Variants in BCAT1 observed in about 807,000 individuals in gnomAD.
BCAT1 encodes branched chain amino acid transaminase 1.
In BCAT1, 48 loss-of-function variants were observed where a neutral mutation model predicts 52.4. The ratio of observed to expected loss-of-function variants is 0.92; its 90% CI spans 0.73 to 1.16. The LOEUF (loss-of-function observed/expected upper bound fraction) is 1.16. Ranked by LOEUF, BCAT1 falls within the 50% of genes most tolerant of loss-of-function variation. BCAT1 has a pLI of 0.00. For missense variants in BCAT1, 451 were observed against 457.1 expected, an observed-to-expected ratio of 0.99 and a Z score of 0.12; for synonymous variants, 167 against 161.3, an observed-to-expected ratio of 1.04 and a Z score of -0.27.
intron 5 of BCAT1, among the ~76,000 whole-genome samples, chr12:24,861,525 A>G (rs1352013821): frequency 6.6e-6 from 1 of 152,204 alleles, no homozygotes; most frequent in Non-Finnish European, 1.5e-5. Context: ...GGCCTTCACC[A>G]TACTGATGCT....
intron 1 of BCAT1, among the ~76,000 whole-genome samples, chr12:24,921,812 C>G (rs1403338018): frequency 3.3e-5 from 5 of 152,198 alleles, no homozygotes; most frequent in Non-Finnish European, 7.3e-5. Flanking sequence ...AAATCTGCTT[C>G]CTGCTCCTTC....
At chr12:24,891,402 AAC>A (rs533235022) in intron 3 of BCAT1, among the ~76,000 whole-genome samples, 206 of 152,294 alleles carry the variant, frequency 1.4e-3, no homozygotes, top group African/African-American at 4.6e-3. Flanking sequence ...AGCTGACTCT[AAC>A]CCCAGCCACT....
At position 24,949,082 on chromosome 12, in the gene BCAT1, C is replaced by T; in HGVS notation, c.-150G>A. ...GCAGTGCCCGAGGCGGCGGCGAGTA[C>T]ACGTGGCGGGCTGGATTGCAGACCG... On this transcript the variant is annotated 5_prime_UTR_variant, in exon 1 of 11. Coordinates refer to ENST00000261192, the MANE Select transcript of BCAT1 (RefSeq NM_005504.7). 1.4e-6 allele frequency: 1 copy of T among 714,334 alleles called. No homozygotes were observed. Among genetic ancestry groups the T allele is most frequent in the Non-Finnish European group, 2.3e-6 (1 of 432,196 alleles). The allele number at this position is 714,334 out of a possible 1,614,324, so 44.2% of individuals were successfully genotyped here.
At chr12:24,873,671 G>T (rs1002825577) in intron 5 of BCAT1, among the ~76,000 whole-genome samples, 1 of 152,090 alleles carries the variant, frequency 6.6e-6, no homozygotes, top group African/African-American at 2.4e-5. Flanking sequence ...GGATTAATCT[G>T]CATTATGCTT....
intron 1 of BCAT1, among the ~76,000 whole-genome samples, chr12:24,936,497 T>C (rs113729354): frequency 6.6e-6 from 1 of 152,328 alleles, no homozygotes; most frequent in Non-Finnish European, 1.5e-5. Context: ...CCTCCCAAAG[T>C]GCTGGAATTA....
intron 5 of BCAT1, among the ~76,000 whole-genome samples, chr12:24,861,326 G>A (rs904546477): frequency 6.6e-6 from 1 of 152,162 alleles, no homozygotes; most frequent in Non-Finnish European, 1.5e-5. Flanking sequence ...CAACTGCCTA[G>A]TTCATGGAAA....
intron 10 of BCAT1, among the ~76,000 whole-genome samples, chr12:24,822,190 C>T (rs534140853): frequency 2.6e-5 from 4 of 152,278 alleles, no homozygotes; most frequent in East Asian, 3.9e-4. Context: ...AAAGGAAAAA[C>T]GAAACTGTCA....
rs1939733931 is a variant in BCAT1 at position 24,812,832 on chromosome 12, A to G, written c.*5176T>C. ...GTGGATATGTAGAGAAAAGCCAGTG[A>G]AACTATATTTTAATTCATTCTTACA... On this transcript the variant is annotated 3_prime_UTR_variant, in exon 11 of 11. Coordinates refer to ENST00000261192, the MANE Select transcript of BCAT1 (RefSeq NM_005504.7). 1 of 152,036 alleles carries G rather than the reference A, an allele frequency of 6.6e-6. No homozygotes were observed. The highest frequency in any genetic ancestry group is 1.5e-5 in the Non-Finnish European group (1 of 67,898). 9.4% of individuals were successfully genotyped at this position (152,036 alleles called of 1,614,324 possible).
chr12:24,878,456 T>C, intron 5 of BCAT1, 74 bp downstream of exon 5: 1 of 1,407,968 alleles, frequency 7.1e-7, no homozygotes, highest in Non-Finnish European at 9.5e-7. Flanking sequence ...AACTATATGC[T>C]AGAAGTTTCA....
chr12:24,949,180 C>G (rs1015163831), upstream of BCAT1: 12 of 537,650 alleles, frequency 2.2e-5, no homozygotes, highest in Non-Finnish European at 3.0e-5. Flanking sequence ...CTCCCCCAGG[C>G]CGCCCCCAGA....
rs79802863 is a variant in BCAT1, at chr12:24,931,575, C to T, written c.6+17352G>A. 6.1e-4 allele frequency among the ~76,000 whole-genome samples: 93 copies of T among 152,262 alleles called. 2 individuals are homozygous for T. The East Asian group carries it at 0.017, about 28-fold the overall frequency. ...TTACACATAAAAAGGACCTGAAATA[C>T]GAGCCCCTTTGGACTTCCTATCAGT... is the stretch of plus-strand genomic sequence containing the variant. On this transcript the variant is annotated intron_variant, in intron 1 of 10. Transcript: ENST00000261192.
At chr12:24,855,913 C>G (rs1349532685) in intron 5 of BCAT1, among the ~76,000 whole-genome samples, 2 of 152,080 alleles carry the variant, frequency 1.3e-5, no homozygotes, top group African/African-American at 4.8e-5. Flanking sequence ...CAAGCATGAG[C>G]CACCACACCT....
intron 5 of BCAT1, among the ~76,000 whole-genome samples, chr12:24,874,660 G>C (rs1942276950): frequency 6.6e-6 from 1 of 152,198 alleles, no homozygotes; most frequent in African/African-American, 2.4e-5. Flanking sequence ...GTTTGGGATG[G>C]TGAGTCCTTT....
chr12:24,943,978 C>T (rs939196832), intron 1 of BCAT1, among the ~76,000 whole-genome samples: 86 of 150,384 alleles, frequency 5.7e-4, no homozygotes, highest in African/African-American at 2.0e-3. Flanking sequence ...AGCAAGACTC[C>T]GTCTCAACAA....
intron 5 of BCAT1, among the ~76,000 whole-genome samples, chr12:24,854,389 T>A (rs75007021): frequency 1.8e-3 from 3 of 1,622 alleles, no homozygotes; most frequent in Non-Finnish European, 0.014. Context: ...AGCAAGACAA[T>A]TTTTTTTTTA....
At chr12:24,889,789 A>G (rs973102605) in intron 3 of BCAT1, among the ~76,000 whole-genome samples, 2 of 152,192 alleles carry the variant, frequency 1.3e-5, no homozygotes, top group Non-Finnish European at 2.9e-5. Context: ...CAGGAATTCA[A>G]TACCACCCTA....
At chr12:24,894,578 A>C in intron 2 of BCAT1, 103 bp from the exon 3 acceptor site, 1 of 1,007,298 alleles carries the variant, frequency 9.9e-7, no homozygotes, top group Non-Finnish European at 1.4e-6. Flanking sequence ...TGACTTTTAA[A>C]GGTTAGCAGC....
intron 1 of BCAT1, among the ~76,000 whole-genome samples, chr12:24,938,049 T>G (rs1346298565): frequency 6.6e-6 from 1 of 151,976 alleles, no homozygotes; most frequent in Non-Finnish European, 1.5e-5. Flanking sequence ...TTAAAATAAA[T>G]GGGAAAACAG....
chr12:24,912,586 C>T (rs902354542), intron 1 of BCAT1, among the ~76,000 whole-genome samples: 4 of 150,824 alleles, frequency 2.7e-5, no homozygotes, highest in African/African-American at 7.3e-5. Context: ...AAAATGGGGC[C>T]GGGCGTGATG....
Sources: allele counts gnomAD v4.1 joint callset (sites outside exome capture counted in the v4.1 genomes callset), GRCh38; gene constraint gnomAD v4.1.1; transcripts MANE v1.5; gene names NCBI Gene and HGNC (gene_info 2026-07-23, HGNC 2026-07-21).